The following MED20 variants were observed in gnomAD, a reference collection of about 807,000 sequenced individuals.
MED20 encodes mediator complex subunit 20.
Under a neutral mutation model 19.7 loss-of-function variants are expected in MED20, and 19 were observed. The ratio of observed to expected loss-of-function variants is 0.96; its 90% CI spans 0.67 to 1.42. The LOEUF (loss-of-function observed/expected upper bound fraction) is 1.42, where lower values mean the gene tolerates loss of function less well. Ranked by LOEUF, MED20 falls within the 40% of genes most tolerant of loss-of-function variation. The pLI, the probability that MED20 is intolerant of heterozygous loss-of-function variation, is 0.00. For missense variants in MED20, 225 were observed against 273.0 expected (o/e 0.82, Z 1.24); for synonymous variants, 105 against 104.8 (o/e 1.00, Z -0.01).
intron 2 of MED20, among the ~76,000 whole-genome samples, chr6:41,913,790 C>T (rs894767508): frequency 2.6e-5 from 4 of 151,870 alleles, no homozygotes; most frequent in African/African-American, 7.3e-5. Flanking sequence ...CCCAGCTACT[C>T]GGGAGGCTGA....
chr6:41,909,599 C>A (rs1035421825), intron 2 of MED20, 77 bp from the exon 3 acceptor site: 1 of 1,565,992 alleles, frequency 6.4e-7, no homozygotes. Context: ...TGACTCCCCC[C>A]GGAATGAGGC....
intron 1 of MED20, among the ~76,000 whole-genome samples, chr6:41,918,426 A>G (rs1775371350): frequency 6.6e-6 from 1 of 150,494 alleles, no homozygotes; most frequent in South Asian, 2.1e-4. Flanking sequence ...ATCACTTGAA[A>G]CCAGGAGGCG....
intron 2 of MED20, among the ~76,000 whole-genome samples, chr6:41,912,638 TGA>T (rs1775225583): frequency 6.6e-6 from 1 of 152,064 alleles, no homozygotes; most frequent in Admixed American, 6.6e-5. Context: ...ATTCCAGGCA[TGA>T]GCCACCGCGC....
intron 1 of MED20, chr6:41,917,570 G>A (rs1165496890): frequency 8.9e-6 from 3 of 338,632 alleles, no homozygotes; most frequent in African/African-American, 4.3e-5. Context: ...GTCCCTGAGA[G>A]CCCCTCTAAG....
chr6:41,908,616 G>A (rs1775113613), intron 3 of MED20, among the ~76,000 whole-genome samples: 1 of 152,196 alleles, frequency 6.6e-6, no homozygotes, highest in African/African-American at 2.4e-5. Flanking sequence ...ATTGTTCTAA[G>A]AGTTGTCCTG....
At chr6:41,917,238 A>C (rs940694293) in intron 1 of MED20, among the ~76,000 whole-genome samples, 1 of 152,108 alleles carries the variant, frequency 6.6e-6, no homozygotes, top group Non-Finnish European at 1.5e-5. Flanking sequence ...CGTCTCTACT[A>C]AAAATACAAA....
In MED20 at chr6:41,915,415, C is replaced by T. The variant is rs1489661253; in HGVS notation, c.169+1370G>A. Among the ~76,000 whole-genome samples the T allele has an allele frequency of 4.6e-5, 7 of 152,100 alleles. No homozygotes were observed. The East Asian group carries it at 1.3e-3, about 29-fold the overall frequency. ...AGGCTAAGGTGGGAGGATCAACTGA[C>T]CCCAGGAATTTGAGGCTGCAGTGAG... On this transcript the variant is annotated intron_variant, in intron 2 of 3. Coordinates refer to ENST00000265350, the MANE Select transcript of MED20 (RefSeq NM_004275.5).
chr6:41,918,480 GACA>G (rs1381359986), intron 1 of MED20, among the ~76,000 whole-genome samples: 2 of 147,546 alleles, frequency 1.4e-5, no homozygotes, highest in Non-Finnish European at 3.0e-5. Flanking sequence ...CTCCAGCCTG[GACA>G]ACAAGAGCGA....
rs891432918 is a variant in MED20 at position 41,905,403 on chromosome 6, A to G, written c.*1669T>C. The G allele has an allele frequency of 6.6e-6, 1 of 152,226 alleles. No homozygotes were observed. The highest frequency in any genetic ancestry group is 2.4e-5 in the African/African-American group (1 of 41,458). 9.4% of individuals were successfully genotyped at this position (152,226 alleles called of 1,614,324 possible). A position where few individuals can be genotyped will look rare whatever the true frequency, so the allele number is the denominator to read the frequency against. ...TAAACTATATCTAAAACATACCTCA[A>G]TATAAAAAACCAGAAACAAAATAAC... is the stretch of plus-strand genomic sequence containing the variant. On this transcript the variant is annotated 3_prime_UTR_variant, in exon 4 of 4. Coordinates refer to ENST00000265350, the MANE Select transcript of MED20 (RefSeq NM_004275.5).
chr6:41,908,441 T>G (rs1012073196), intron 3 of MED20, among the ~76,000 whole-genome samples: 1 of 152,144 alleles, frequency 6.6e-6, no homozygotes, highest in East Asian at 1.9e-4. Context: ...ACACACACTC[T>G]CTGTGTCACA....
intron 2 of MED20, chr6:41,913,021 G>C (rs1775234439): frequency 6.6e-6 from 1 of 150,910 alleles, no homozygotes; most frequent in Admixed American, 6.6e-5. Context: ...GGGGCTGGAG[G>C]ATCACTTGAG....
chr6:41,914,715 T>G (rs1041678174), intron 2 of MED20, among the ~76,000 whole-genome samples: 1 of 146,808 alleles, frequency 6.8e-6, no homozygotes, highest in Non-Finnish European at 1.5e-5. Context: ...ACTCTCACTC[T>G]AAAAAGAAAA....
At chr6:41,915,604 G>A (rs895052459) in intron 2 of MED20, among the ~76,000 whole-genome samples, 5 of 152,130 alleles carry the variant, frequency 3.3e-5, no homozygotes, top group African/African-American at 1.2e-4. Context: ...TGGCTAACAC[G>A]GTGAAACCCC....
At chr6:41,909,199 A>G in intron 3 of MED20, 70 bp downstream of exon 3, 1 of 1,527,368 alleles carries the variant, frequency 6.5e-7, no homozygotes, top group South Asian at 1.3e-5. Flanking sequence ...GAAGAACTGG[A>G]AAATCTTCAG....
chr6:41,919,256 G>A (rs1053631433), intron 1 of MED20, among the ~76,000 whole-genome samples: 24 of 152,056 alleles, frequency 1.6e-4, no homozygotes, highest in Non-Finnish European at 2.4e-4. Context: ...CTGGCTTGAT[G>A]TCCATGCTCT....
rs535812085 is a variant in MED20, at chr6:41,906,270, T to C, written c.*802A>G. ...CTCTTTCCCCAGTGGAATGCAGATA[T>C]GGAGCTGATGAGTCTGCTTTGATCT... On this transcript the variant is annotated 3_prime_UTR_variant, in exon 4 of 4. Coordinates refer to ENST00000265350, the MANE Select transcript of MED20 (RefSeq NM_004275.5). 2 of 152,318 alleles carry C rather than the reference T, an allele frequency of 1.3e-5. No homozygotes were observed. The highest frequency in any genetic ancestry group is 4.1e-4 in the South Asian group (2 of 4,828). The allele number at this position is 152,318 out of a possible 1,614,324, so 9.4% of individuals were successfully genotyped here.
intron 2 of MED20, among the ~76,000 whole-genome samples, chr6:41,915,305 T>G (rs1003896336): frequency 6.6e-6 from 1 of 151,936 alleles, no homozygotes; most frequent in Non-Finnish European, 1.5e-5. Context: ...TTGGGCAGCA[T>G]AGTAAGACAC....
At chr6:41,918,936 A>AGAGC (rs1196922901) in intron 1 of MED20, among the ~76,000 whole-genome samples, 1 of 127,816 alleles carries the variant, frequency 7.8e-6, no homozygotes, top group Non-Finnish European at 1.6e-5. Flanking sequence ...CCTGGGCGAC[A>AGAGC]GAGCGAGACT....
rs768100386 is a variant in MED20 at position 41,909,269 on chromosome 6, C to T, written c.423G>A (p.Glu141=). 9 of 1,613,770 alleles carry T rather than the reference C, an allele frequency of 5.6e-6. No homozygotes were observed. In the East Asian group the frequency reaches 1.6e-4, roughly 28 times the overall value. The part of the protein sequence containing the change: ...MGPSARGISV[E]VEYGPCVVAS... ...GCTCCTATTTTCACCAAGGTCTTAC[C>T]TCCACAGAGATGCCCCGGGCACTGG... The change falls in exon 3 of 4, where the codon GAG becomes GAA. Residue 141 remains glutamate (E), a splice_region_variant and synonymous_variant. Transcript: ENST00000265350.
Sources: gnomAD v4.1 joint callset for allele counts (sites outside exome capture counted in the v4.1 genomes callset) on GRCh38, gnomAD v4.1.1 for gene constraint, MANE v1.5 for transcripts, NCBI Gene and HGNC (gene_info 2026-07-23, HGNC 2026-07-21) for gene names.